The following PDE1C variants were observed in gnomAD, a reference collection of about 807,000 sequenced individuals.
The protein encoded by PDE1C is phosphodiesterase 1C.
A neutral mutation model predicts 93.1 loss-of-function variants in PDE1C; 62 were observed. The observed-to-expected ratio is 0.67, with a 90% CI of 0.54 to 0.82. The LOEUF is 0.82. Ranked by LOEUF, PDE1C falls within the 40% of genes least tolerant of loss-of-function variation. PDE1C has a pLI of 0.00. For synonymous variants in PDE1C, 325 were observed against 310.1 expected (o/e 1.05, Z -0.50); for missense variants, 742 against 884.6 (o/e 0.84, Z 2.04).
the PDE1C span, among the ~76,000 whole-genome samples, chr7:31,669,129 TAGTCTGG>T: frequency 3.4e-4 from 52 of 152,226 alleles, no homozygotes; most frequent in East Asian, 8.1e-3. Flanking sequence ...ATTTTAAGAG[TAGTCTGG>T]CTACCTTGTT....
intron 1 of PDE1C, among the ~76,000 whole-genome samples, chr7:32,237,873 C>A (rs1808250665): frequency 6.7e-6 from 1 of 148,508 alleles, no homozygotes; most frequent in African/African-American, 2.5e-5. Context: ...TGGGTTCAAG[C>A]AATTCTCCTG....
chr7:31,992,973 C>T (rs1034791965), intron 2 of PDE1C, among the ~76,000 whole-genome samples: 3 of 152,166 alleles, frequency 2.0e-5, no homozygotes, highest in African/African-American at 7.2e-5. Flanking sequence ...TCATATCAAA[C>T]GATCGGCACC....
chr7:31,746,777 T>G (rs1317005484), downstream of PDE1C, among the ~76,000 whole-genome samples: 1 of 152,184 alleles, frequency 6.6e-6, no homozygotes, highest in Non-Finnish European at 1.5e-5. Context: ...TAGGGAATTT[T>G]TTTTTCCCAC....
chr7:31,669,200 G>A, the PDE1C span, among the ~76,000 whole-genome samples: 5 of 152,290 alleles, frequency 3.3e-5, no homozygotes, highest in South Asian at 1.0e-3. Flanking sequence ...AGTAGCCATT[G>A]TAGCAATTTG....
Position 31,775,621 on chromosome 7 carries a change from T to C in PDE1C, c.1960+43A>G, listed in dbSNP as rs954015755. The stretch of plus-strand genomic sequence containing the variant: ...TTCCCGAGAAACCAGGCCTTTCCAT[T>C]GTCTGTGGTCACTAAGATAATGGTG... On this transcript the variant is annotated intron_variant, in intron 17 of 17. Coordinates refer to ENST00000396191, the MANE Select transcript of PDE1C (RefSeq NM_001191057.4). The C allele has an allele frequency of 5.2e-6, 8 of 1,539,578 alleles. No individual in the cohort carries two copies. The African/African-American group carries it at 9.5e-5, about 18-fold the overall frequency.
intron 1 of PDE1C, among the ~76,000 whole-genome samples, chr7:32,227,675 C>T (rs1033372517): frequency 5.3e-5 from 8 of 152,172 alleles, no homozygotes; most frequent in African/African-American, 1.9e-4. Context: ...TGCACTCTTC[C>T]CACACTGAAT....
At chr7:31,895,634 C>T (rs1438222094) in intron 2 of PDE1C, among the ~76,000 whole-genome samples, 2 of 147,334 alleles carry the variant, frequency 1.4e-5, no homozygotes, top group Non-Finnish European at 1.5e-5. Flanking sequence ...TATGGTTTGG[C>T]TGTGTCCCCA....
chr7:32,056,996 T>C (rs1002931112), intron 1 of PDE1C, among the ~76,000 whole-genome samples: 30 of 152,226 alleles, frequency 2.0e-4, no homozygotes, highest in Middle Eastern at 3.4e-3. Flanking sequence ...ACCCCAGCAA[T>C]GTCCCACTTA....
intron 2 of PDE1C, among the ~76,000 whole-genome samples, chr7:31,965,333 C>T (rs1010006670): frequency 2.0e-4 from 30 of 152,000 alleles, no homozygotes; most frequent in African/African-American, 6.5e-4. Flanking sequence ...GTAGCCGATG[C>T]GATCAACTGG....
the PDE1C span, among the ~76,000 whole-genome samples, chr7:31,724,959 G>A: frequency 6.6e-6 from 1 of 152,168 alleles, no homozygotes; most frequent in Admixed American, 6.6e-5. Context: ...AGCCCATACA[G>A]AGACAGGAAA....
At chr7:32,370,447 CAAAAAAAA>C (rs34494376) in intron 1 of PDE1C, among the ~76,000 whole-genome samples, 2 of 120,240 alleles carry the variant, frequency 1.7e-5, no homozygotes, top group African/African-American at 6.2e-5. Flanking sequence ...AGACTCCTCT[CAAAAAAAA>C]AAAAAAAAAG....
At chr7:32,070,242 A>G (rs1447833403) in intron 1 of PDE1C, 51 bp downstream of exon 1, 2 of 1,611,812 alleles carry the variant, frequency 1.2e-6, no homozygotes, top group East Asian at 4.5e-5. Context: ...GTGTGGTAAA[A>G]TAAGGATGGG....
intron 7 of PDE1C, among the ~76,000 whole-genome samples, chr7:31,863,876 A>T (rs1794964280): frequency 6.6e-6 from 1 of 152,166 alleles, no homozygotes; most frequent in Non-Finnish European, 1.5e-5. Flanking sequence ...TTAGGCAGGG[A>T]TTTATAGCCA....
intron 2 of PDE1C, among the ~76,000 whole-genome samples, chr7:32,009,341 A>C (rs1241424189): frequency 1.3e-5 from 2 of 152,212 alleles, no homozygotes; most frequent in Non-Finnish European, 2.9e-5. Flanking sequence ...TAGAATTCAC[A>C]GGACAGCATA....
chr7:31,640,420 G>A, the PDE1C span, among the ~76,000 whole-genome samples: 24,265 of 152,156 alleles, frequency 0.16, 2,373 homozygotes, highest in Non-Finnish European at 0.2. Context: ...CCTCTCCTCT[G>A]TGTGCCCTTT....
intron 1 of PDE1C, among the ~76,000 whole-genome samples, chr7:32,248,097 A>G (rs1195339010): frequency 6.6e-6 from 1 of 152,228 alleles, no homozygotes; most frequent in African/African-American, 2.4e-5. Flanking sequence ...CATTCAGAGT[A>G]GGCTTGGGCA....
intron 1 of PDE1C, among the ~76,000 whole-genome samples, chr7:32,060,626 T>C (rs777496070): frequency 5.8e-4 from 88 of 152,212 alleles, no homozygotes; most frequent in African/African-American, 1.9e-3. Context: ...AGATGAGCAT[T>C]GGAAGCAAAT....
rs977306411 is a variant in PDE1C, at chr7:32,088,281, CT to C, written c.308+81503del. ...GACTTCCGAAAATGTAGTGATTGGA[CT>C]TTTTTTTAATACCAGTTAAGCAGGT... is the stretch of plus-strand genomic sequence containing the variant. On this transcript the variant is annotated intron_variant, in intron 3 of 18. Coordinates refer to the PDE1C transcript ENST00000396193. 9.2e-5 allele frequency among the ~76,000 whole-genome samples: 14 copies of C among 152,100 alleles called. No individual in the cohort carries two copies. In the East Asian group the frequency reaches 9.7e-4, roughly 11 times the overall value.
the PDE1C span, among the ~76,000 whole-genome samples, chr7:31,713,151 G>A: frequency 6.6e-6 from 1 of 152,196 alleles, no homozygotes; most frequent in South Asian, 2.1e-4. Flanking sequence ...CTATGAGCCT[G>A]TAAAATCAAA....
Sources: allele counts gnomAD v4.1 joint callset (sites outside exome capture counted in the v4.1 genomes callset), GRCh38; gene constraint gnomAD v4.1.1; transcripts MANE v1.5; gene names NCBI Gene and HGNC (gene_info 2026-07-23, HGNC 2026-07-21).